GNG7: variants seen among roughly 807,000 people sequenced by gnomAD.
GNG7 encodes the protein G protein subunit gamma 7, also known as guanine nucleotide-binding protein G(I)/G(S)/G(O) subunit gamma-7.
A neutral mutation model predicts 4.0 loss-of-function variants in GNG7; 1 was observed. The ratio of observed to expected loss-of-function variants is 0.25; its 90% CI spans 0.09 to 1.18. GNG7 has a LOEUF of 1.18. Ranked by LOEUF, GNG7 falls within the 50% of genes most tolerant of loss-of-function variation. The probability of loss-of-function intolerance (pLI) is 0.50; values close to 1 mark genes in which losing one functional copy is unlikely to be tolerated. For synonymous variants in GNG7, 34 were observed against 36.9 expected (o/e 0.92, Z 0.29); for missense variants, 86 against 91.9 (o/e 0.94, Z 0.26).
intron 3 of GNG7, among the ~76,000 whole-genome samples, chr19:2,522,066 C>T (rs183760164): frequency 2.6e-5 from 4 of 152,284 alleles, no homozygotes; most frequent in African/African-American, 9.6e-5. Flanking sequence ...GATGACTCTG[C>T]CCTCCATGGA....
chr19:2,557,175 TAC>T lies in GNG7; in HGVS notation c.-77-1989_-77-1988del, dbSNP rs1979580193. Reference sequence around the variant, plus strand: ...GCACACAAAGACACGCGCACACACGTACACACAAGACACGTGCACACACATTT... The same window carrying T: ...GCACACAAAGACACGCGCACACACGTACACAAGACACGTGCACACACATTT... On this transcript the variant is annotated intron_variant, in intron 2 of 4. Coordinates refer to ENST00000382159, the MANE Select transcript of GNG7 (RefSeq NM_052847.3). This position sits in a 1 kb window ranked among gnomAD's most constrained non-coding sequence, Gnocchi z 5.1. Among the ~76,000 whole-genome samples the T allele has an allele frequency of 6.7e-6, 1 of 148,210 alleles. No homozygotes were observed. Among genetic ancestry groups the T allele is most frequent in the Non-Finnish European group, 1.5e-5 (1 of 67,438 alleles).
rs57763196 is a variant in GNG7 at position 2,538,917 on chromosome 19, C to T, written c.-38+16232G>A. The T allele has an allele frequency of 4.6e-3, 913 of 197,170 alleles. 8 individuals carry two copies. The highest frequency in any genetic ancestry group is 0.02 in the African/African-American group (839 of 41,894). The allele number at this position is 197,170 out of a possible 1,614,324, so 12.2% of individuals were successfully genotyped here. On this transcript the variant is annotated intron_variant, in intron 3 of 4. Transcript: ENST00000382159. Reference sequence around the variant, plus strand: ...CCGAGTAGCTGGGATTACAGGCGCCCGCCACCATGCCCGGCTAATTTTTTT... The same window carrying T: ...CCGAGTAGCTGGGATTACAGGCGCCTGCCACCATGCCCGGCTAATTTTTTT...
intron 2 of GNG7, among the ~76,000 whole-genome samples, chr19:2,556,315 GA>G (rs1979542371): frequency 6.6e-6 from 1 of 152,178 alleles, no homozygotes; most frequent in South Asian, 2.1e-4. Flanking sequence ...CTTGCCCGGC[GA>G]GGTCAGCAGA....
chr19:2,651,223 ACTTC>A lies in GNG7; in HGVS notation c.-134-4947_-134-4944del, dbSNP rs1225749956. Among the ~76,000 whole-genome samples, 486 of 135,364 alleles carry A rather than the reference ACTTC, an allele frequency of 3.6e-3. 4 individuals are homozygous for A. The highest frequency in any genetic ancestry group is 5.9e-3 in the Non-Finnish European group (373 of 62,740). The allele number at this position is 135,364 out of a possible 152,430, so 88.8% of individuals were successfully genotyped here. A position where few individuals can be genotyped will look rare whatever the true frequency, so the allele number is the denominator to read the frequency against. On this transcript the variant is annotated intron_variant, in intron 1 of 4. Coordinates refer to ENST00000382159, the MANE Select transcript of GNG7 (RefSeq NM_052847.3). ...AGGCACTTCTCCAGATCTCTGTCCG[ACTTC>A]CTTCCTTCCTTCCTTCCTTTCCTTC...
rs984222124 is a variant in GNG7, at chr19:2,633,533, G to A, written c.-78+12691C>T. ...CACACACACACACACACGAGAGGTG[G>A]CTGTGGTCTGCACACTGGGCTGGGG... On this transcript the variant is annotated intron_variant, in intron 2 of 4. Transcript: ENST00000382159. This position sits in a 1 kb window ranked among gnomAD's most constrained non-coding sequence, Gnocchi z 5.9. 1.2e-4 allele frequency among the ~76,000 whole-genome samples: 18 copies of A among 150,350 alleles called. No individual in the cohort carries two copies. Among genetic ancestry groups the A allele is most frequent in the African/African-American group, 4.1e-4 (17 of 40,986 alleles).
chr19:2,660,254 C>A lies in GNG7; in HGVS notation c.-134-13974G>T, dbSNP rs142021981. Among the ~76,000 whole-genome samples, 6 of 152,170 alleles carry A rather than the reference C, an allele frequency of 3.9e-5. No homozygotes were observed. In the East Asian group the frequency reaches 1.2e-3, roughly 29 times the overall value. On this transcript the variant is annotated intron_variant, in intron 1 of 4. Coordinates refer to ENST00000382159, the MANE Select transcript of GNG7 (RefSeq NM_052847.3). ...AAGTGGGAGATAACACATCTTCATC[C>A]CCGTTACACCCACAAGGCTCTGTGT...
chr19:2,558,088 A>T (rs1046047880), intron 2 of GNG7, among the ~76,000 whole-genome samples: 2 of 151,204 alleles, frequency 1.3e-5, no homozygotes, highest in African/African-American at 2.4e-5. Flanking sequence ...TGATCCGCCC[A>T]CCTCGGCCTC....
chr19:2,698,777 ATC>A (rs386805898), intron 1 of GNG7, among the ~76,000 whole-genome samples: 1 of 152,146 alleles, frequency 6.6e-6, no homozygotes, highest in African/African-American at 2.4e-5. Context: ...TTCCACTACT[ATC>A]GGTGAACAAG....
intron 2 of GNG7, among the ~76,000 whole-genome samples, chr19:2,563,945 T>C (rs538652630): frequency 1.3e-3 from 190 of 150,668 alleles, no homozygotes; most frequent in Non-Finnish European, 2.1e-3. Flanking sequence ...AATCAAGGAA[T>C]GGAGGAGACG....
chr19:2,663,631 A>G (rs915421434), intron 1 of GNG7, among the ~76,000 whole-genome samples: 1 of 152,318 alleles, frequency 6.6e-6, no homozygotes, highest in African/African-American at 2.4e-5. Flanking sequence ...TCCAATATCT[A>G]TCAACCTGAT....
intron 1 of GNG7, among the ~76,000 whole-genome samples, chr19:2,696,344 A>AAGAAAG (rs1568287944): frequency 6.9e-6 from 1 of 145,346 alleles, no homozygotes; most frequent in Non-Finnish European, 1.5e-5. Context: ...GAAAGAAAGA[A>AAGAAAG]AGAAAAGAAA....
chr19:2,675,320 G>C (rs1983567249), intron 1 of GNG7, among the ~76,000 whole-genome samples: 1 of 152,196 alleles, frequency 6.6e-6, no homozygotes, highest in African/African-American at 2.4e-5. Context: ...ACGGGCTCGG[G>C]AATGGGAATC....
At chr19:2,635,487 C>G (rs1242714982) in intron 2 of GNG7, among the ~76,000 whole-genome samples, 1 of 152,092 alleles carries the variant, frequency 6.6e-6, no homozygotes, top group Non-Finnish European at 1.5e-5. Context: ...TCCCTCCTCA[C>G]TCGGAGTGTG....
At chr19:2,628,525 G>A (rs988226328) in intron 2 of GNG7, among the ~76,000 whole-genome samples, 48 of 148,270 alleles carry the variant, frequency 3.2e-4, no homozygotes, top group Admixed American at 1.3e-3. Context: ...GTGTGTGTGT[G>A]TATATATATA....
rs10420764 is a variant in GNG7, at chr19:2,557,106, C to G, written c.-77-1918G>C. ...ACACGTGCACACAGGAATACTCAGACACACGCACACACGTACACACGTGTA... is the reference window on the plus strand; with the variant it reads ...ACACGTGCACACAGGAATACTCAGAGACACGCACACACGTACACACGTGTA... On this transcript the variant is annotated intron_variant, in intron 2 of 4. Transcript: ENST00000382159. The surrounding 1 kb of genome is among the most constrained non-coding windows in gnomAD (Gnocchi z 5.1). Among the ~76,000 whole-genome samples, 75,522 of 151,130 alleles carry G rather than the reference C, an allele frequency of 0.5. 18,997 individuals are homozygous for G. The highest frequency in any genetic ancestry group is 0.58 in the Admixed American group (8,747 of 15,168).
intron 4 of GNG7, among the ~76,000 whole-genome samples, chr19:2,516,761 C>T (rs563046485): frequency 3.9e-5 from 6 of 152,334 alleles, no homozygotes; most frequent in East Asian, 1.9e-4. Flanking sequence ...GAGATAAGCC[C>T]GTCTCCATGT....
chr19:2,654,748 A>C (rs1352788415), intron 1 of GNG7, among the ~76,000 whole-genome samples: 2 of 114,002 alleles, frequency 1.8e-5, no homozygotes, highest in Non-Finnish European at 3.9e-5. Context: ...CAATTCAATT[A>C]TTTTTTTCGA....
chr19:2,527,758 C>A (rs187246524), intron 3 of GNG7, among the ~76,000 whole-genome samples: 85 of 149,682 alleles, frequency 5.7e-4, no homozygotes, highest in Non-Finnish European at 9.7e-4. Context: ...GGTCTCCACC[C>A]ACTCCTTGCC....
At chr19:2,552,859 C>G (rs544097152) in intron 3 of GNG7, among the ~76,000 whole-genome samples, 1 of 150,666 alleles carries the variant, frequency 6.6e-6, no homozygotes, top group African/African-American at 2.4e-5. Context: ...CCACCCCCCC[C>G]ACCTCCCCAC....
Sources: allele counts gnomAD v4.1 joint callset (sites outside exome capture counted in the v4.1 genomes callset), GRCh38; gene constraint gnomAD v4.1.1; non-coding constraint Gnocchi (gnomAD v3.1); transcripts MANE v1.5; gene names NCBI Gene and HGNC (gene_info 2026-07-23, HGNC 2026-07-21).